The following SPECC1 variants were observed in gnomAD, a reference collection of about 807,000 sequenced individuals.
SPECC1 encodes sperm antigen with calponin homology and coiled-coil domains 1, also known as cytospin-B.
Under a neutral mutation model 104.1 loss-of-function variants are expected in SPECC1, and 62 were observed. That is an observed-to-expected ratio of 0.60 (90% CI 0.49 to 0.74). SPECC1 has a LOEUF of 0.74. Among genes scored for constraint, SPECC1 ranks in the 30% least tolerant of loss-of-function variants. The pLI, the probability that SPECC1 is intolerant of heterozygous loss-of-function variation, is 0.00. For missense variants in SPECC1, 1,306 were observed against 1,310.5 expected (o/e 1.00, Z 0.05); for synonymous variants, 513 against 501.6 (o/e 1.02, Z -0.30).
At chr17:20,238,725 T>A in intron 7 of SPECC1, 1 of 1,042,142 alleles carries the variant, frequency 9.6e-7, no homozygotes, top group Non-Finnish European at 1.2e-6. Flanking sequence ...TTATTTAAAA[T>A]TCATTTGCTG....
intron 3 of SPECC1, among the ~76,000 whole-genome samples, chr17:20,186,193 ATGT>A (rs1447418962): frequency 1.3e-5 from 2 of 152,164 alleles, no homozygotes; most frequent in Admixed American, 1.3e-4. Flanking sequence ...CATCTTGGTG[ATGT>A]TGTGAATTCA....
At chr17:20,178,779 A>G (rs1416484342) in intron 3 of SPECC1, among the ~76,000 whole-genome samples, 1 of 152,240 alleles carries the variant, frequency 6.6e-6, no homozygotes, top group Non-Finnish European at 1.5e-5. Flanking sequence ...TAACAGATGG[A>G]AAATACATCG....
chr17:20,100,669 T>C (rs1460795606), intron 2 of SPECC1, among the ~76,000 whole-genome samples: 1 of 152,220 alleles, frequency 6.6e-6, no homozygotes, highest in African/African-American at 2.4e-5. Context: ...AAATTTTACT[T>C]TAAGTTCTGG....
chr17:20,155,845 C>T, intron 3 of SPECC1: 1 of 927,092 alleles, frequency 1.1e-6, no homozygotes, highest in Non-Finnish European at 1.3e-6. Flanking sequence ...CGGCGCGGGG[C>T]CTTCTGGCAG....
chr17:20,151,846 C>T (rs929401494), intron 3 of SPECC1, among the ~76,000 whole-genome samples: 9 of 150,492 alleles, frequency 6.0e-5, no homozygotes, highest in South Asian at 2.1e-4. Context: ...GTCAGGAGTT[C>T]GAGACCAGCC....
intron 3 of SPECC1, among the ~76,000 whole-genome samples, chr17:20,169,846 C>T (rs1200754260): frequency 6.6e-6 from 1 of 152,128 alleles, no homozygotes. Context: ...TTGGATTTTA[C>T]CTCTTGAATG....
intron 3 of SPECC1, among the ~76,000 whole-genome samples, chr17:20,195,018 GT>G (rs2035937337): frequency 6.6e-6 from 1 of 152,132 alleles, no homozygotes; most frequent in African/African-American, 2.4e-5. Context: ...GATCAGTAGT[GT>G]TTTATGCAAA....
In SPECC1 at chr17:20,204,878, A is replaced by G; in HGVS notation, c.829A>G (p.Thr277Ala). ...TCACACTGGCGACAGCAGCTGCCCA[A>G]CATCCATAACTCAAGAGTCAAGCTT... is the stretch of plus-strand genomic sequence containing the variant. ...ASHTGDSSCP[T>A]SITQESSFGS... The change falls in exon 4 of 15, where the codon ACA becomes GCA. Residue 277 changes from threonine (T) to alanine (A), a missense_variant. This residue lies in a region of SPECC1 where 1,177 missense variants were observed against 1,139.9 expected (regional missense o/e 1.03). Transcript: ENST00000395527. The G allele has an allele frequency of 6.2e-6, 10 of 1,613,884 alleles. No homozygotes were observed. Among genetic ancestry groups the G allele is most frequent in the Admixed American group, 1.7e-5 (1 of 60,020 alleles).
At chr17:20,096,911 C>T (rs924244245) in intron 2 of SPECC1, 113 bp downstream of exon 2, 2 of 1,348,508 alleles carry the variant, frequency 1.5e-6, no homozygotes, top group African/African-American at 1.5e-5. Flanking sequence ...AGGAGGCTCC[C>T]AAGGAGGGGT....
At chr17:20,160,931 A>G (rs1308878915) in intron 3 of SPECC1, among the ~76,000 whole-genome samples, 1 of 152,252 alleles carries the variant, frequency 6.6e-6, no homozygotes, top group African/African-American at 2.4e-5. Context: ...TAAAAATGCT[A>G]GTGGTAGAAT....
chr17:20,219,092 A>G (rs2037697036), intron 4 of SPECC1, among the ~76,000 whole-genome samples: 1 of 152,170 alleles, frequency 6.6e-6, no homozygotes, highest in East Asian at 1.9e-4. Flanking sequence ...GCTATTGTAA[A>G]TAGTGCTGCA....
chr17:20,294,628 C>T (rs1290710055), intron 12 of SPECC1, among the ~76,000 whole-genome samples: 1 of 148,720 alleles, frequency 6.7e-6, no homozygotes, highest in Non-Finnish European at 1.5e-5. Context: ...GTAATGACGA[C>T]GGTGGTGGGG....
rs2036751057 is a variant in SPECC1 at position 20,205,910 on chromosome 17, A to G, written c.1861A>G (p.Lys621Glu). Residue 621 changes from lysine to glutamate, a missense_variant and splice_region_variant, in exon 4 of 15, where the codon AAG (lysine) becomes GAG (glutamate). By Grantham distance (56) the Lys-to-Glu change is moderately conservative (BLOSUM62 1). This residue lies in a region of SPECC1 where 1,177 missense variants were observed against 1,139.9 expected (regional missense o/e 1.03). Coordinates refer to ENST00000395527, the MANE Select transcript of SPECC1 (RefSeq NM_001243439.2). The part of the protein sequence containing the change: ...EIKHVSSLLA[K>E]VEKDYSYLKE... ...TAAACATGTTTCCAGTCTGCTGGCC[A>G]AGGTGAGAAGAGACAGCTCTTTACT... 1 of 1,604,774 alleles carries G rather than the reference A, an allele frequency of 6.2e-7. No individual in the cohort carries two copies.
At chr17:20,244,326 A>C (rs1042380476) in intron 7 of SPECC1, among the ~76,000 whole-genome samples, 1 of 152,140 alleles carries the variant, frequency 6.6e-6, no homozygotes, top group African/African-American at 2.4e-5. Flanking sequence ...ACCTAACCTG[A>C]TTTCTTTTTC....
intron 1 of SPECC1, chr17:20,067,266 T>A (rs189226624): frequency 5.5e-4 from 83 of 152,248 alleles, no homozygotes; most frequent in African/African-American, 1.9e-3. Flanking sequence ...TGCCTCAGCC[T>A]CCCAAGTAGC....
At chr17:20,173,745 A>G (rs1322537325) in intron 3 of SPECC1, among the ~76,000 whole-genome samples, 1 of 152,272 alleles carries the variant, frequency 6.6e-6, no homozygotes, top group Non-Finnish European at 1.5e-5. Context: ...GTGAAAGTAC[A>G]GTCCACAGGA....
intron 12 of SPECC1, among the ~76,000 whole-genome samples, chr17:20,277,552 TTTTTTC>T (rs1216774199): frequency 2.0e-5 from 3 of 152,176 alleles, no homozygotes; most frequent in Non-Finnish European, 2.9e-5. Flanking sequence ...TGGTTTTTCT[TTTTTTC>T]TTTTTTATTG....
At chr17:20,049,414 T>C (rs2045658367) in intron 1 of SPECC1, among the ~76,000 whole-genome samples, 1 of 152,146 alleles carries the variant, frequency 6.6e-6, no homozygotes, top group Middle Eastern at 3.2e-3. Context: ...ACCCTGTCTC[T>C]CAAAAAATAA....
chr17:20,282,616 T>C (rs1442568037), intron 12 of SPECC1, among the ~76,000 whole-genome samples: 2 of 151,910 alleles, frequency 1.3e-5, no homozygotes, highest in East Asian at 3.9e-4. Context: ...TGAAAGTGGG[T>C]TGCCCTGCCT....
Sources: gnomAD v4.1 joint callset for allele counts (sites outside exome capture counted in the v4.1 genomes callset) on GRCh38, gnomAD v4.1.1 for gene constraint, gnomAD v4.1.1 regional missense constraint, MANE v1.5 for transcripts, NCBI Gene and HGNC (gene_info 2026-07-23, HGNC 2026-07-21) for gene names.